The following FMNL2 variants were observed in gnomAD, a reference collection of about 807,000 sequenced individuals.
FMNL2 encodes formin-like protein 2.
FMNL2 carries 51 observed loss-of-function variants against 130.2 expected under a neutral mutation model. That is an observed-to-expected ratio of 0.39 (90% confidence interval 0.31 to 0.49). FMNL2 has a LOEUF of 0.49. Ranked by LOEUF, FMNL2 falls within the 20% of genes least tolerant of loss-of-function variation. FMNL2 has a pLI of 0.85. For synonymous variants in FMNL2, 465 were observed against 467.1 expected (o/e 1.00, Z 0.06); for missense variants, 977 against 1,316.2 (o/e 0.74, Z 3.99).
intron 1 of FMNL2, chr2:152,390,350 T>C (rs2105925153): frequency 8.9e-7 from 1 of 1,126,740 alleles, no homozygotes; most frequent in South Asian, 1.2e-5. Flanking sequence ...TCATTGAGGA[T>C]GGCAAGGTGG....
intron 1 of FMNL2, among the ~76,000 whole-genome samples, chr2:152,358,713 C>G (rs1315311060): frequency 2.0e-5 from 3 of 151,986 alleles, no homozygotes; most frequent in Non-Finnish European, 4.4e-5. Flanking sequence ...TTTAGAGAAC[C>G]CTGATGAATA....
At chr2:152,550,449 A>T (rs1414715846) in intron 4 of FMNL2, among the ~76,000 whole-genome samples, 1 of 152,236 alleles carries the variant, frequency 6.6e-6, no homozygotes, top group Non-Finnish European at 1.5e-5. Flanking sequence ...TGGAAGAGAA[A>T]TTAAGAATTG....
Position 152,506,649 on chromosome 2 carries a change from A to G in FMNL2, c.118-15294A>G, listed in dbSNP as rs183936940. Among the ~76,000 whole-genome samples, 191 of 152,272 alleles carry G rather than the reference A, an allele frequency of 1.3e-3. 1 individual carries two copies. Among genetic ancestry groups the G allele is most frequent in the African/African-American group, 4.4e-3 (183 of 41,560 alleles). Reference sequence around the variant, plus strand: ...TCAGGTGTGATGGGGGTGGAGGTAGATAGTATCTAGACTAGAGGTTTCCAA... The same window carrying G: ...TCAGGTGTGATGGGGGTGGAGGTAGGTAGTATCTAGACTAGAGGTTTCCAA... On this transcript the variant is annotated intron_variant, in intron 1 of 25. Coordinates refer to ENST00000288670, the MANE Select transcript of FMNL2 (RefSeq NM_052905.4).
chr2:152,404,840 A>C (rs933696876), intron 1 of FMNL2, among the ~76,000 whole-genome samples: 1 of 152,136 alleles, frequency 6.6e-6, no homozygotes, highest in Non-Finnish European at 1.5e-5. Context: ...ATTTTCTCCC[A>C]TGTTGAAATA....
chr2:152,362,577 C>G (rs1001729445), intron 1 of FMNL2, among the ~76,000 whole-genome samples: 2 of 151,834 alleles, frequency 1.3e-5, no homozygotes, highest in African/African-American at 2.4e-5. Flanking sequence ...CCCAGTCCCC[C>G]ACCCCTTGCT....
chr2:152,555,853 G>A (rs1192335388), intron 4 of FMNL2, among the ~76,000 whole-genome samples: 4 of 152,236 alleles, frequency 2.6e-5, no homozygotes, highest in Non-Finnish European at 4.4e-5. Flanking sequence ...TAAAAAGTGT[G>A]TGTAGCATGC....
At chr2:152,437,490 A>G (rs1687828425) in intron 1 of FMNL2, among the ~76,000 whole-genome samples, 2 of 152,224 alleles carry the variant, frequency 1.3e-5, no homozygotes, top group Non-Finnish European at 2.9e-5. Context: ...GGTGAAAAAG[A>G]TGCTCTAGCC....
chr2:152,592,168 G>C (rs1306856332), intron 9 of FMNL2, among the ~76,000 whole-genome samples: 1 of 152,170 alleles, frequency 6.6e-6, no homozygotes, highest in Non-Finnish European at 1.5e-5. Flanking sequence ...GAGAAAGGTA[G>C]GACTGACTTT....
intron 1 of FMNL2, among the ~76,000 whole-genome samples, chr2:152,377,172 T>A (rs1684221874): frequency 6.6e-6 from 1 of 152,260 alleles, no homozygotes; most frequent in Admixed American, 6.5e-5. Context: ...GTAGATTATT[T>A]GTGATTATTC....
intron 1 of FMNL2, among the ~76,000 whole-genome samples, chr2:152,354,081 C>A (rs2105786789): frequency 6.6e-6 from 1 of 152,234 alleles, no homozygotes; most frequent in East Asian, 1.9e-4. Context: ...GAAAAAGAGA[C>A]CCAGGTGTTT....
At chr2:152,377,251 G>T (rs1684224103) in intron 1 of FMNL2, among the ~76,000 whole-genome samples, 1 of 152,228 alleles carries the variant, frequency 6.6e-6, no homozygotes, top group Non-Finnish European at 1.5e-5. Flanking sequence ...AGACTGGGAT[G>T]GAGGGCAAGC....
At chr2:152,383,082 T>TATGGCTTAAAACG (rs1684571848) in intron 1 of FMNL2, among the ~76,000 whole-genome samples, 1 of 152,104 alleles carries the variant, frequency 6.6e-6, no homozygotes, top group South Asian at 2.1e-4. Context: ...ACGACTAAGT[T>TATGGCTTAAAACG]ACTGGCTTAA....
intron 1 of FMNL2, among the ~76,000 whole-genome samples, chr2:152,492,259 G>C (rs1222345924): frequency 6.6e-6 from 1 of 151,896 alleles, no homozygotes; most frequent in East Asian, 1.9e-4. Flanking sequence ...TGTTAGATCA[G>C]TCTCTATCTC....
intron 1 of FMNL2, among the ~76,000 whole-genome samples, chr2:152,342,744 A>G (rs1003354374): frequency 9.9e-5 from 15 of 152,194 alleles, no homozygotes; most frequent in South Asian, 2.1e-4. Flanking sequence ...TTTGGAAGCA[A>G]TGTCTAAGGG....
intron 1 of FMNL2, among the ~76,000 whole-genome samples, chr2:152,450,477 A>T (rs1688581456): frequency 6.6e-6 from 1 of 152,244 alleles, no homozygotes; most frequent in Non-Finnish European, 1.5e-5. Flanking sequence ...TCAGTGTTAT[A>T]CTTAAAGATG....
chr2:152,342,004 AG>A (rs1369002062), intron 1 of FMNL2, among the ~76,000 whole-genome samples: 1 of 152,244 alleles, frequency 6.6e-6, no homozygotes, highest in Non-Finnish European at 1.5e-5. Flanking sequence ...TGCAACTTGC[AG>A]GTTCTAGACA....
intron 25 of FMNL2, among the ~76,000 whole-genome samples, chr2:152,644,654 G>A (rs1440681746): frequency 6.6e-6 from 1 of 152,138 alleles, no homozygotes; most frequent in Non-Finnish European, 1.5e-5. Flanking sequence ...CAAAGGCTTA[G>A]GTCCTCCCAC....
intron 3 of FMNL2, among the ~76,000 whole-genome samples, chr2:152,545,542 C>G (rs1694576918): frequency 6.6e-6 from 1 of 152,120 alleles, no homozygotes. Context: ...TCCAAACCAG[C>G]CTCCTTATTT....
chr2:152,539,771 A>G (rs990953030), intron 2 of FMNL2, among the ~76,000 whole-genome samples: 7 of 152,180 alleles, frequency 4.6e-5, no homozygotes, highest in African/African-American at 1.7e-4. Flanking sequence ...CCAAATAGGA[A>G]ATGAAAAAAA....
Sources: allele counts gnomAD v4.1 joint callset (sites outside exome capture counted in the v4.1 genomes callset), GRCh38; gene constraint gnomAD v4.1.1; transcripts MANE v1.5; gene names NCBI Gene and HGNC (gene_info 2026-07-23, HGNC 2026-07-21).